GALNT18: variants seen among roughly 807,000 people sequenced by gnomAD.
The protein encoded by GALNT18 is GalNAc-transferase 18.
Under a neutral mutation model 69.5 loss-of-function variants are expected in GALNT18, and 44 were observed. The observed-to-expected ratio is 0.63, with a 90% CI of 0.50 to 0.81. The LOEUF is 0.81. Ranked by LOEUF, GALNT18 falls within the 40% of genes least tolerant of loss-of-function variation. The pLI is 0.00. For synonymous variants in GALNT18, 364 were observed against 318.2 expected, an observed-to-expected ratio of 1.14 and a Z score of -1.53; for missense variants, 715 against 810.0, an observed-to-expected ratio of 0.88 and a Z score of 1.42.
intron 1 of GALNT18, among the ~76,000 whole-genome samples, chr11:11,609,420 G>A (rs537210812): frequency 1.6e-4 from 25 of 152,286 alleles, no homozygotes; most frequent in Non-Finnish European, 2.6e-4. Flanking sequence ...TACACAAGGC[G>A]CACACCTCAC....
chr11:11,515,290 G>A lies in GALNT18; in HGVS notation c.236-66354C>T, dbSNP rs1216342145. Among the ~76,000 whole-genome samples, 7 of 136,690 alleles carry A rather than the reference G, an allele frequency of 5.1e-5. No individual in the cohort carries two copies. The East Asian group carries it at 1.6e-3, about 31-fold the overall frequency. The allele number at this position is 136,690 out of a possible 152,430, so 89.7% of individuals were successfully genotyped here. A position where few individuals can be genotyped will look rare whatever the true frequency, so the allele number is the denominator to read the frequency against. ...TGAGTCTTCACAACCCAAGAGCCAG[G>A]AATTGATAGTCCCATTTTATAGACA... On this transcript the variant is annotated intron_variant, in intron 1 of 10. Coordinates refer to ENST00000227756, the MANE Select transcript of GALNT18 (RefSeq NM_198516.3).
At chr11:11,441,948 A>G (rs756102829) in intron 2 of GALNT18, among the ~76,000 whole-genome samples, 7 of 152,192 alleles carry the variant, frequency 4.6e-5, no homozygotes, top group Non-Finnish European at 7.3e-5. Flanking sequence ...CAGGCTGTAC[A>G]CTGTCTTGTT....
intron 5 of GALNT18, among the ~76,000 whole-genome samples, chr11:11,373,793 G>A (rs771664525): frequency 6.6e-6 from 1 of 152,232 alleles, no homozygotes; most frequent in Non-Finnish European, 1.5e-5. Context: ...TCTGCTGAGA[G>A]CCCTGCTTAT....
chr11:11,406,648 C>T (rs1854594237), intron 3 of GALNT18, among the ~76,000 whole-genome samples: 1 of 152,206 alleles, frequency 6.6e-6, no homozygotes, highest in African/African-American at 2.4e-5. Context: ...GTTAAAATGC[C>T]ATACAAGTCG....
At chr11:11,615,428 T>C (rs1860020698) in intron 1 of GALNT18, among the ~76,000 whole-genome samples, 1 of 152,210 alleles carries the variant, frequency 6.6e-6, no homozygotes, top group Non-Finnish European at 1.5e-5. Context: ...GTTGGGATGA[T>C]CTTGACTCAA....
chr11:11,538,855 A>G lies in GALNT18; in HGVS notation c.235+82504T>C, dbSNP rs529260930. Among the ~76,000 whole-genome samples, 1 of 152,236 alleles carries G rather than the reference A, an allele frequency of 6.6e-6. No homozygotes were observed. Among genetic ancestry groups the G allele is most frequent in the East Asian group, 1.9e-4 (1 of 5,150 alleles). On this transcript the variant is annotated intron_variant, in intron 1 of 10. Coordinates refer to ENST00000227756, the MANE Select transcript of GALNT18 (RefSeq NM_198516.3). The surrounding 1 kb of genome is among the most constrained non-coding windows in gnomAD (Gnocchi z 5.2). ...TCATGGCTGTGGTTCCCATCTGCAC[A>G]GCACTGCCTGGCCTCCCACCCAAAC... is the stretch of plus-strand genomic sequence containing the variant.
At chr11:11,572,910 T>A (rs1858826954) in intron 1 of GALNT18, among the ~76,000 whole-genome samples, 1 of 152,164 alleles carries the variant, frequency 6.6e-6, no homozygotes, top group South Asian at 2.1e-4. Flanking sequence ...CCCCTTAAAT[T>A]TGTACATTTG....
intron 1 of GALNT18, among the ~76,000 whole-genome samples, chr11:11,503,306 C>T (rs1225723006): frequency 6.6e-6 from 1 of 152,164 alleles, no homozygotes; most frequent in Non-Finnish European, 1.5e-5. Context: ...TTCTCTGAGC[C>T]TGTTTCCTCA....
Position 11,538,105 on chromosome 11 carries a change from T to C in GALNT18, c.235+83254A>G, listed in dbSNP as rs1264019859. ...TTATCACACCTCTGTGCTGGAGTTA[T>C]CATCGACCTTGTTTTGCAGAGGGTG... On this transcript the variant is annotated intron_variant, in intron 1 of 10. Coordinates refer to ENST00000227756, the MANE Select transcript of GALNT18 (RefSeq NM_198516.3). The surrounding 1 kb of genome is among the most constrained non-coding windows in gnomAD (Gnocchi z 5.2). Among the ~76,000 whole-genome samples the C allele has an allele frequency of 6.6e-6, 1 of 152,232 alleles. No homozygotes were observed. Among genetic ancestry groups the C allele is most frequent in the Non-Finnish European group, 1.5e-5 (1 of 68,036 alleles).
chr11:11,508,483 A>G lies in GALNT18; in HGVS notation c.236-59547T>C, dbSNP rs371448489. 3.6e-4 allele frequency among the ~76,000 whole-genome samples: 55 copies of G among 152,342 alleles called. 1 individual carries two copies. In the South Asian group the frequency reaches 0.011, roughly 31 times the overall value. ...TCACTTGATTAAGGTGGCATCTGCC[A>G]TATTTCTCCATCGTAAAAGTACTTC... On this transcript the variant is annotated intron_variant, in intron 1 of 10. Transcript: ENST00000227756.
At chr11:11,473,679 G>A (rs1002007849) in intron 1 of GALNT18, among the ~76,000 whole-genome samples, 3 of 152,162 alleles carry the variant, frequency 2.0e-5, no homozygotes, top group African/African-American at 7.2e-5. Flanking sequence ...CAGGGGGAGA[G>A]AGAAGCAAGT....
intron 1 of GALNT18, among the ~76,000 whole-genome samples, chr11:11,566,975 C>T (rs544619400): frequency 9.2e-5 from 14 of 152,308 alleles, no homozygotes; most frequent in African/African-American, 3.4e-4. Flanking sequence ...CTTCCTGGAT[C>T]CTGCTTAGGC....
intron 10 of GALNT18, among the ~76,000 whole-genome samples, chr11:11,286,185 T>A (rs1182604196): frequency 6.6e-6 from 1 of 152,206 alleles, no homozygotes; most frequent in Non-Finnish European, 1.5e-5. Context: ...TGAAATACAG[T>A]CTCAACACCC....
At chr11:11,589,620 G>A (rs902329551) in intron 1 of GALNT18, among the ~76,000 whole-genome samples, 3 of 151,710 alleles carry the variant, frequency 2.0e-5, no homozygotes, top group Admixed American at 2.0e-4. Flanking sequence ...CAGCTGATTT[G>A]TACAACAAGA....
chr11:11,297,672 G>A (rs1849425829), intron 9 of GALNT18, among the ~76,000 whole-genome samples: 1 of 152,184 alleles, frequency 6.6e-6, no homozygotes, highest in Admixed American at 6.5e-5. Context: ...TTCTGAGACA[G>A]CAGCATCCCT....
chr11:11,287,182 C>T (rs777453295), intron 10 of GALNT18, among the ~76,000 whole-genome samples: 29 of 152,248 alleles, frequency 1.9e-4, no homozygotes, highest in Non-Finnish European at 4.3e-4. Flanking sequence ...AGGTAGAACA[C>T]TGACCTTTCT....
At chr11:11,550,440 G>A (rs1186904055) in intron 1 of GALNT18, among the ~76,000 whole-genome samples, 1 of 152,228 alleles carries the variant, frequency 6.6e-6, no homozygotes, top group East Asian at 1.9e-4. Flanking sequence ...TGTGCCATGT[G>A]AGGCCCAGAA....
intron 9 of GALNT18, among the ~76,000 whole-genome samples, chr11:11,298,178 C>G (rs1849433858): frequency 1.3e-5 from 2 of 152,198 alleles, no homozygotes; most frequent in South Asian, 4.1e-4. Flanking sequence ...GGCCTCTAGC[C>G]CTCCAAAGAA....
Position 11,436,121 on chromosome 11 carries a change from G to C in GALNT18, c.429-3334C>G, listed in dbSNP as rs910578667. On this transcript the variant is annotated intron_variant, in intron 2 of 10. Coordinates refer to ENST00000227756, the MANE Select transcript of GALNT18 (RefSeq NM_198516.3). The surrounding 1 kb of genome is among the most constrained non-coding windows in gnomAD (Gnocchi z 4.5). ...GGGCAGGGTAAGGAAGATGATATGGGGGGATCGTTTTTGGGAAAGCGTTTG... is the reference window on the plus strand; with the variant it reads ...GGGCAGGGTAAGGAAGATGATATGGCGGGATCGTTTTTGGGAAAGCGTTTG... 2.0e-5 allele frequency among the ~76,000 whole-genome samples: 3 copies of C among 152,224 alleles called. No homozygotes were observed. The highest frequency in any genetic ancestry group is 7.2e-5 in the African/African-American group (3 of 41,462).
Sources: allele counts gnomAD v4.1 joint callset (sites outside exome capture counted in the v4.1 genomes callset), GRCh38; gene constraint gnomAD v4.1.1; non-coding constraint Gnocchi (gnomAD v3.1); transcripts MANE v1.5; gene names NCBI Gene and HGNC (gene_info 2026-07-23, HGNC 2026-07-21).